The following SPON1 variants were observed in gnomAD, a reference collection of about 807,000 sequenced individuals.
SPON1 encodes the protein spondin-1.
Under a neutral mutation model 111.7 loss-of-function variants are expected in SPON1, and 52 were observed. That is an observed-to-expected ratio of 0.47 (90% CI 0.37 to 0.59). The LOEUF is 0.59. Ranked by LOEUF, SPON1 falls within the 20% of genes least tolerant of loss-of-function variation. The pLI is 0.00. For missense variants in SPON1, 957 were observed against 1,068.5 expected (o/e 0.90, Z 1.46); for synonymous variants, 410 against 395.8 (o/e 1.04, Z -0.43).
At chr11:14,207,403 G>T (rs936909310) in intron 6 of SPON1, among the ~76,000 whole-genome samples, 7 of 152,068 alleles carry the variant, frequency 4.6e-5, no homozygotes, top group African/African-American at 1.7e-4. Context: ...GGAGAGGAAA[G>T]TATCAACAGA....
At chr11:14,265,424 G>A in intron 15 of SPON1, 100 bp from the exon 16 acceptor site, 2 of 1,330,188 alleles carry the variant, frequency 1.5e-6, no homozygotes, top group East Asian at 2.5e-5. Flanking sequence ...CTTGAGCAGA[G>A]GAGGAGCCCA....
intron 2 of SPON1, among the ~76,000 whole-genome samples, chr11:14,010,588 T>A (rs1554913611): frequency 6.6e-6 from 1 of 152,206 alleles, no homozygotes; most frequent in African/African-American, 2.4e-5. Context: ...GTGACCTGCA[T>A]GAGTGGAGTG....
chr11:14,144,440 G>A (rs1847695007), intron 6 of SPON1, among the ~76,000 whole-genome samples: 1 of 151,888 alleles, frequency 6.6e-6, no homozygotes, highest in African/African-American at 2.4e-5. Flanking sequence ...GACCAATCTG[G>A]CCAACATGGT....
chr11:14,023,481 C>G (rs1304342096), intron 2 of SPON1, among the ~76,000 whole-genome samples: 2 of 152,178 alleles, frequency 1.3e-5, no homozygotes, highest in East Asian at 3.9e-4. Context: ...CAAGTTCCCT[C>G]TCTTCGTGCT....
intron 6 of SPON1, among the ~76,000 whole-genome samples, chr11:14,180,933 T>C (rs1848230182): frequency 6.6e-6 from 1 of 152,230 alleles, no homozygotes. Flanking sequence ...TCTTTAGATA[T>C]GAGCCTAGCT....
At chr11:14,233,388 A>G (rs529486524) in intron 6 of SPON1, among the ~76,000 whole-genome samples, 1 of 152,036 alleles carries the variant, frequency 6.6e-6, no homozygotes, top group East Asian at 1.9e-4. Flanking sequence ...CACTCCAGTT[A>G]CTTTCCCTGA....
chr11:14,149,985 G>T (rs2133867843), intron 6 of SPON1, among the ~76,000 whole-genome samples: 1 of 152,002 alleles, frequency 6.6e-6, no homozygotes, highest in Non-Finnish European at 1.5e-5. Context: ...AAAAACAGGT[G>T]ATTACACCAG....
At position 14,036,339 on chromosome 11, in the gene SPON1, C is replaced by T. The variant is rs932806917; in HGVS notation, c.346-5182C>T. On this transcript the variant is annotated intron_variant, in intron 2 of 15. Coordinates refer to ENST00000576479, the MANE Select transcript of SPON1 (RefSeq NM_006108.4). ...AGAGAAGAAATGATGTAGCTTAGTC[C>T]AGGGTAATAGTAAGAATGGTGGTAG... Among the ~76,000 whole-genome samples, 3 of 151,986 alleles carry T rather than the reference C, an allele frequency of 2.0e-5. No individual in the cohort carries two copies. The East Asian group carries it at 5.8e-4, about 29-fold the overall frequency.
chr11:14,121,299 G>A (rs1849303118), intron 5 of SPON1, among the ~76,000 whole-genome samples: 1 of 152,164 alleles, frequency 6.6e-6, no homozygotes, highest in African/African-American at 2.4e-5. Context: ...GAATATTACT[G>A]AATTCAAAGC....
chr11:14,143,453 T>C (rs1452258806), intron 6 of SPON1, among the ~76,000 whole-genome samples: 4 of 151,704 alleles, frequency 2.6e-5, no homozygotes, highest in African/African-American at 4.8e-5. Context: ...GTCCCAGCAG[T>C]TGGGGGACTG....
At chr11:14,203,956 C>A (rs10832232) in intron 6 of SPON1, among the ~76,000 whole-genome samples, 10 of 152,084 alleles carry the variant, frequency 6.6e-5, no homozygotes, top group African/African-American at 2.4e-4. Context: ...CAGGGAAGTC[C>A]AAAATCCATA....
Position 14,242,447 on chromosome 11 carries a change from GC to G in SPON1, c.826-882del, listed in dbSNP as rs1392678192. Among the ~76,000 whole-genome samples the G allele has an allele frequency of 7.2e-5, 11 of 152,248 alleles. No individual in the cohort carries two copies. In the South Asian group the frequency reaches 8.3e-4, roughly 12 times the overall value. The stretch of plus-strand genomic sequence containing the variant: ...GACTATTGTGTCTGAGCACTGCTGG[GC>G]CCAGGCCAGGGAAAGGGGCCATACA... On this transcript the variant is annotated intron_variant, in intron 6 of 15. Transcript: ENST00000576479.
chr11:14,135,974 A>G lies in SPON1; in HGVS notation c.825+406A>G, dbSNP rs1847586806. Among the ~76,000 whole-genome samples the G allele has an allele frequency of 6.6e-6, 1 of 152,150 alleles. No individual in the cohort carries two copies. The highest frequency in any genetic ancestry group is 2.4e-5 in the African/African-American group (1 of 41,434). On this transcript the variant is annotated intron_variant, in intron 6 of 15. Coordinates refer to ENST00000576479, the MANE Select transcript of SPON1 (RefSeq NM_006108.4). The surrounding 1 kb of genome is among the most constrained non-coding windows in gnomAD (Gnocchi z 4.4). ...GTATTGGCACGTGCTTTTTGCAACT[A>G]TGTCTTGAGGTACTTGATAAATTAG...
At position 14,077,835 on chromosome 11, in the gene SPON1, C is replaced by T. The variant is rs1459318683; in HGVS notation, c.554-2064C>T. On this transcript the variant is annotated intron_variant, in intron 4 of 15. Transcript: ENST00000576479. ...GTCACAAGCAATTAAATGAAAGAGACAAAAAAAAAAGGAAAAAGGAAGGGA... is the reference window on the plus strand; with the variant it reads ...GTCACAAGCAATTAAATGAAAGAGATAAAAAAAAAAGGAAAAAGGAAGGGA... 2.6e-5 allele frequency among the ~76,000 whole-genome samples: 3 copies of T among 116,402 alleles called. No homozygotes were observed. The Admixed American group carries it at 2.6e-4, about 10-fold the overall frequency. The allele number at this position is 116,402 out of a possible 152,430, so 76.4% of individuals were successfully genotyped here. A position where few individuals can be genotyped will look rare whatever the true frequency, so the allele number is the denominator to read the frequency against.
intron 10 of SPON1, 134 bp downstream of exon 10, chr11:14,256,826 TC>T (rs1849114250): frequency 1.3e-5 from 9 of 695,790 alleles, no homozygotes; most frequent in Non-Finnish European, 2.2e-5. Context: ...GGATTTCTCC[TC>T]AAGAAATAAT....
At chr11:14,264,441 T>C (rs1849238042) in intron 15 of SPON1, among the ~76,000 whole-genome samples, 1 of 152,236 alleles carries the variant, frequency 6.6e-6, no homozygotes, top group African/African-American at 2.4e-5. Flanking sequence ...TGCCAGGGAC[T>C]TCAGTGCTGA....
intron 2 of SPON1, among the ~76,000 whole-genome samples, chr11:13,994,466 C>T (rs145849973): frequency 2.0e-5 from 3 of 152,218 alleles, no homozygotes; most frequent in Admixed American, 2.0e-4. Context: ...AAAACCTGCA[C>T]TCAACAAAAT....
chr11:14,062,941 C>G (rs1848802484), intron 3 of SPON1, among the ~76,000 whole-genome samples: 1 of 152,084 alleles, frequency 6.6e-6, no homozygotes, highest in Non-Finnish European at 1.5e-5. Context: ...GAGGTGGCAA[C>G]TACCTGGTTT....
At chr11:14,140,272 T>C (rs992431521) in intron 6 of SPON1, among the ~76,000 whole-genome samples, 7 of 152,246 alleles carry the variant, frequency 4.6e-5, no homozygotes. Context: ...TGTCTAATTG[T>C]CTCTTTCAGA....
Sources: gnomAD v4.1 joint callset for allele counts (sites outside exome capture counted in the v4.1 genomes callset) on GRCh38, gnomAD v4.1.1 for gene constraint, Gnocchi (gnomAD v3.1) non-coding constraint, MANE v1.5 for transcripts, NCBI Gene and HGNC (gene_info 2026-07-23, HGNC 2026-07-21) for gene names.